The following ARHGAP42 variants were observed in gnomAD, a reference collection of about 807,000 sequenced individuals.
The protein encoded by ARHGAP42 is rho GTPase-activating protein 42.
A neutral mutation model predicts 125.0 loss-of-function variants in ARHGAP42; 63 were observed. The ratio of observed to expected loss-of-function variants is 0.50; its 90% confidence interval spans 0.41 to 0.62. The LOEUF is 0.62. Among genes scored for constraint, ARHGAP42 ranks in the 20% least tolerant of loss-of-function variants. The pLI, the probability that ARHGAP42 is intolerant of heterozygous loss-of-function variation, is 0.00. For missense variants in ARHGAP42, 766 were observed against 1,024.2 expected, an observed-to-expected ratio of 0.75 and a Z score of 3.44; for synonymous variants, 339 against 351.0, an observed-to-expected ratio of 0.97 and a Z score of 0.38.
chr11:100,687,630 G>A lies in ARHGAP42; in HGVS notation c.-49G>A. 7 of 1,286,510 alleles carry A rather than the reference G, an allele frequency of 5.4e-6. No homozygotes were observed. The highest frequency in any genetic ancestry group is 6.9e-6 in the Non-Finnish European group (7 of 1,008,166). The allele number at this position is 1,286,510 out of a possible 1,614,324, so 79.7% of individuals were successfully genotyped here. ...CGCGGCCGCCGGCTGCCCCCGCCCT[G>A]ACCTCCGGCCCGGACGTGTCCGCGG... On this transcript the variant is annotated 5_prime_UTR_variant, in exon 1 of 24. Transcript: ENST00000298815.
At chr11:100,724,836 CTTTT>C (rs59676061) in intron 1 of ARHGAP42, among the ~76,000 whole-genome samples, 2 of 150,090 alleles carry the variant, frequency 1.3e-5, no homozygotes, top group African/African-American at 4.9e-5. Context: ...CTTTTTATTT[CTTTT>C]TTTTTATTTT....
chr11:100,985,353 G>A (rs1192728369), intron 22 of ARHGAP42, among the ~76,000 whole-genome samples: 1 of 152,048 alleles, frequency 6.6e-6, no homozygotes, highest in African/African-American at 2.4e-5. Flanking sequence ...TAGAAAATGT[G>A]ATTTTTTGGA....
chr11:100,781,568 C>G (rs1269220795), intron 2 of ARHGAP42, among the ~76,000 whole-genome samples: 1 of 151,870 alleles, frequency 6.6e-6, no homozygotes, highest in African/African-American at 2.4e-5. Context: ...TGTCAGGTAC[C>G]ATGTTAGGTG....
chr11:100,993,242 T>C lies in ARHGAP42; in HGVS notation c.*4441T>C, dbSNP rs755703699. ...TCAATTTTGCCTTGAATTTACTCAG[T>C]CTTATAAATTAAAAATGTGCATTTT... On this transcript the variant is annotated 3_prime_UTR_variant, in exon 24 of 24. Coordinates refer to ENST00000298815, the MANE Select transcript of ARHGAP42 (RefSeq NM_152432.4). 6.0e-6 allele frequency: 1 copy of C among 167,312 alleles called. No individual in the cohort carries two copies. The highest frequency in any genetic ancestry group is 1.5e-5 in the Non-Finnish European group (1 of 68,376). The allele number at this position is 167,312 out of a possible 1,614,324, so 10.4% of individuals were successfully genotyped here.
intron 12 of ARHGAP42, among the ~76,000 whole-genome samples, chr11:100,950,268 A>G (rs1184513715): frequency 1.4e-5 from 2 of 139,702 alleles, no homozygotes; most frequent in Non-Finnish European, 3.2e-5. Flanking sequence ...TAATTATATT[A>G]TATTTTTATT....
intron 2 of ARHGAP42, among the ~76,000 whole-genome samples, chr11:100,780,584 GTT>G (rs1863285197): frequency 6.6e-6 from 1 of 152,186 alleles, no homozygotes. Context: ...AATACGATAG[GTT>G]TTTTGCTCTT....
intron 3 of ARHGAP42, among the ~76,000 whole-genome samples, chr11:100,844,403 C>A (rs1446058286): frequency 6.9e-6 from 1 of 145,646 alleles, no homozygotes; most frequent in Non-Finnish European, 1.5e-5. Flanking sequence ...ATTTCATGAC[C>A]AAGAGCCCAA....
chr11:100,885,760 T>C (rs921373570), intron 4 of ARHGAP42, among the ~76,000 whole-genome samples: 7 of 152,224 alleles, frequency 4.6e-5, no homozygotes, highest in African/African-American at 1.7e-4. Context: ...TTTATAATTT[T>C]ATTGCATATA....
chr11:100,836,719 G>A (rs904009724), intron 3 of ARHGAP42, among the ~76,000 whole-genome samples: 5 of 121,120 alleles, frequency 4.1e-5, no homozygotes, highest in South Asian at 5.5e-4. Context: ...TTTTTTTTTT[G>A]TTGTTGTTTT....
intron 5 of ARHGAP42, among the ~76,000 whole-genome samples, chr11:100,914,518 C>CAAT (rs1357222214): frequency 1.3e-5 from 2 of 151,912 alleles, no homozygotes; most frequent in Admixed American, 6.6e-5. Context: ...AGAACAACAA[C>CAAT]AACAACAACA....
At chr11:100,789,756 G>A (rs1863523382) in intron 2 of ARHGAP42, among the ~76,000 whole-genome samples, 1 of 152,186 alleles carries the variant, frequency 6.6e-6, no homozygotes, top group Non-Finnish European at 1.5e-5. Flanking sequence ...CCTTACAGAA[G>A]GTCATAAGGG....
intron 4 of ARHGAP42, among the ~76,000 whole-genome samples, chr11:100,903,034 G>A (rs1866595383): frequency 6.6e-6 from 1 of 151,432 alleles, no homozygotes; most frequent in Non-Finnish European, 1.5e-5. Context: ...CGCTGCTGTG[G>A]CCAGGTCAGC....
chr11:100,977,419 C>T (rs1858421883), intron 21 of ARHGAP42, among the ~76,000 whole-genome samples: 1 of 152,090 alleles, frequency 6.6e-6, no homozygotes, highest in African/African-American at 2.4e-5. Flanking sequence ...CCTGAGTCCT[C>T]ACTGATTTAA....
intron 3 of ARHGAP42, among the ~76,000 whole-genome samples, chr11:100,833,021 A>G (rs547884703): frequency 4.2e-4 from 64 of 152,360 alleles, no homozygotes; most frequent in African/African-American, 1.5e-3. Context: ...CTGTAAATAC[A>G]GGCTTCTGAC....
At position 100,833,245 on chromosome 11, in the gene ARHGAP42, T is replaced by C. The variant is rs1367270964; in HGVS notation, c.313-26309T>C. Among the ~76,000 whole-genome samples the C allele has an allele frequency of 2.0e-5, 3 of 152,234 alleles. No homozygotes were observed. The East Asian group carries it at 5.8e-4, about 29-fold the overall frequency. ...TTGTTGCCTAAAAGTTTCTCAGCTT[T>C]AAGGAGTTTTGATACTTTATTAGAG... On this transcript the variant is annotated intron_variant, in intron 3 of 23. Transcript: ENST00000298815.
At chr11:100,822,771 G>A (rs535736884) in intron 3 of ARHGAP42, among the ~76,000 whole-genome samples, 24 of 152,244 alleles carry the variant, frequency 1.6e-4, no homozygotes, top group Non-Finnish European at 3.1e-4. Context: ...GGAAAGTTTT[G>A]CAGTTCACAA....
intron 3 of ARHGAP42, among the ~76,000 whole-genome samples, chr11:100,814,613 T>C (rs1285441893): frequency 6.6e-6 from 1 of 152,090 alleles, no homozygotes; most frequent in African/African-American, 2.4e-5. Context: ...TCAGGAAACT[T>C]ACAGTCATGG....
chr11:100,734,560 C>T lies in ARHGAP42; in HGVS notation c.155-35783C>T, dbSNP rs760453575. Among the ~76,000 whole-genome samples the T allele has an allele frequency of 3.9e-4, 59 of 152,166 alleles. 1 individual carries two copies. The highest frequency in any genetic ancestry group is 6.9e-4 in the Non-Finnish European group (47 of 68,034). On this transcript the variant is annotated intron_variant, in intron 1 of 23. Transcript: ENST00000298815. ...CCTCCCAAAGTGCTGGGATTACGGG[C>T]GTCAGACACCACGCCCAACCAGAGT...
intron 4 of ARHGAP42, among the ~76,000 whole-genome samples, chr11:100,879,509 T>G (rs1482917554): frequency 6.6e-6 from 1 of 152,350 alleles, no homozygotes; most frequent in Non-Finnish European, 1.5e-5. Flanking sequence ...GTTTGTTGTC[T>G]GTTGGCTAAA....
Sources: allele counts gnomAD v4.1 joint callset (sites outside exome capture counted in the v4.1 genomes callset), GRCh38; gene constraint gnomAD v4.1.1; transcripts MANE v1.5; gene names NCBI Gene and HGNC (gene_info 2026-07-23, HGNC 2026-07-21).